CRYM: variants seen among roughly 807,000 people sequenced by gnomAD.
CRYM encodes the protein ketimine reductase mu-crystallin.
Under a neutral mutation model 32.9 loss-of-function variants are expected in CRYM, and 18 were observed. That is an observed-to-expected ratio of 0.55 (90% CI 0.38 to 0.81). The LOEUF (loss-of-function observed/expected upper bound fraction) is 0.81. Among genes scored for constraint, CRYM ranks in the 30% least tolerant of loss-of-function variants. The pLI is 0.00. For missense variants in CRYM, 337 were observed against 393.5 expected, an observed-to-expected ratio of 0.86 and a Z score of 1.21; for synonymous variants, 153 against 152.4, an observed-to-expected ratio of 1.00 and a Z score of -0.03.
intron 5 of CRYM, among the ~76,000 whole-genome samples, chr16:21,263,628 C>T (rs1442144310): frequency 6.6e-6 from 1 of 152,206 alleles, no homozygotes; most frequent in African/African-American, 2.4e-5. Context: ...AAACTGGCTC[C>T]GTCCTGGCCC....
chr16:21,261,875 A>C (rs2093355153), intron 6 of CRYM, 162 bp downstream of exon 6: 1 of 756,422 alleles, frequency 1.3e-6, no homozygotes. Context: ...TCTGGAATGG[A>C]ATTAAAGAGG....
At chr16:21,260,589 C>T (rs990721847) in intron 7 of CRYM, among the ~76,000 whole-genome samples, 3 of 152,156 alleles carry the variant, frequency 2.0e-5, no homozygotes. Context: ...CGTGAGCCAC[C>T]GAGCTCAGCC....
intron 1 of CRYM, among the ~76,000 whole-genome samples, chr16:21,285,578 C>A (rs1465305832): frequency 1.3e-5 from 2 of 152,248 alleles, no homozygotes; most frequent in Non-Finnish European, 2.9e-5. Context: ...TTCCTCCAAG[C>A]AGTCTGGTCA....
At chr16:21,297,201 C>T (rs1490396773) in intron 1 of CRYM, among the ~76,000 whole-genome samples, 3 of 150,804 alleles carry the variant, frequency 2.0e-5, no homozygotes, top group Non-Finnish European at 3.0e-5. Context: ...GAGACCAGCC[C>T]GGTCAACATG....
chr16:21,269,299 A>G (rs1487439886), intron 4 of CRYM, among the ~76,000 whole-genome samples: 2 of 152,100 alleles, frequency 1.3e-5, no homozygotes, highest in Non-Finnish European at 2.9e-5. Flanking sequence ...TAAAATAACA[A>G]TAGCATCAAA....
intron 1 of CRYM, among the ~76,000 whole-genome samples, chr16:21,294,084 C>T (rs1960731645): frequency 6.6e-6 from 1 of 152,218 alleles, no homozygotes; most frequent in Non-Finnish European, 1.5e-5. Flanking sequence ...TTAGCAGAAA[C>T]TGTCTGAACC....
chr16:21,277,955 A>T lies in CRYM; in HGVS notation c.170+127T>A. Reference sequence around the variant, plus strand: ...CTTAGCACACCGGGTAGCGCCTATTAAAAGTGGCAGCTGTTAGCAACGGTT... The same window carrying T: ...CTTAGCACACCGGGTAGCGCCTATTTAAAGTGGCAGCTGTTAGCAACGGTT... On this transcript the variant is annotated intron_variant, in intron 1 of 7. Coordinates refer to ENST00000572914, the MANE Select transcript of CRYM (RefSeq NM_001376256.1). This position sits in a 1 kb window ranked among gnomAD's most constrained non-coding sequence, Gnocchi z 4.2. The T allele has an allele frequency of 8.9e-7, 1 of 1,122,046 alleles. No individual in the cohort carries two copies. The highest frequency in any genetic ancestry group is 1.3e-6 in the Non-Finnish European group (1 of 798,514). 69.5% of individuals were successfully genotyped at this position (1,122,046 alleles called of 1,614,324 possible). A position where few individuals can be genotyped will look rare whatever the true frequency, so the allele number is the denominator to read the frequency against.
intron 1 of CRYM, among the ~76,000 whole-genome samples, chr16:21,291,894 G>A (rs1277586491): frequency 6.6e-6 from 1 of 151,848 alleles, no homozygotes; most frequent in Admixed American, 6.6e-5. Context: ...CATCTTTTAA[G>A]AACCAAACGT....
At chr16:21,264,526 G>C (rs1357139346) in intron 5 of CRYM, among the ~76,000 whole-genome samples, 5 of 152,198 alleles carry the variant, frequency 3.3e-5, no homozygotes, top group African/African-American at 1.2e-4. Context: ...GCATGGGGCA[G>C]GGTGGAACTG....
intron 1 of CRYM, among the ~76,000 whole-genome samples, chr16:21,289,660 C>T (rs550007901): frequency 5.9e-5 from 9 of 152,224 alleles, no homozygotes; most frequent in Non-Finnish European, 1.2e-4. Flanking sequence ...TTACCCTCTA[C>T]CTCCTCACTC....
At chr16:21,286,516 C>T (rs570274445) in intron 1 of CRYM, among the ~76,000 whole-genome samples, 39 of 151,980 alleles carry the variant, frequency 2.6e-4, no homozygotes, top group Non-Finnish European at 4.9e-4. Context: ...CATGAGCCAC[C>T]GCACCCAGCC....
At chr16:21,298,210 G>A (rs1597633458) in intron 1 of CRYM, among the ~76,000 whole-genome samples, 1 of 152,192 alleles carries the variant, frequency 6.6e-6, no homozygotes, top group Non-Finnish European at 1.5e-5. Context: ...ATATTCACCA[G>A]TTCTGTGTAC....
intron 2 of CRYM, among the ~76,000 whole-genome samples, chr16:21,276,108 A>G (rs1218677685): frequency 6.6e-6 from 1 of 152,240 alleles, no homozygotes; most frequent in Non-Finnish European, 1.5e-5. Flanking sequence ...AGTGAGACCC[A>G]GACAGCCCAG....
At chr16:21,276,757 A>G (rs2093387433) in intron 2 of CRYM, among the ~76,000 whole-genome samples, 3 of 152,228 alleles carry the variant, frequency 2.0e-5, no homozygotes, top group Admixed American at 1.3e-4. Context: ...CCGTGGACTT[A>G]GACTGAGCAG....
At chr16:21,259,459 G>T (rs780508257) in intron 7 of CRYM, among the ~76,000 whole-genome samples, 13 of 152,038 alleles carry the variant, frequency 8.6e-5, no homozygotes, top group Non-Finnish European at 1.3e-4. Flanking sequence ...GGCTTTGTGG[G>T]CCACAGGGTC....
intron 1 of CRYM, among the ~76,000 whole-genome samples, chr16:21,301,926 CG>C (rs1960952695): frequency 1.3e-5 from 2 of 152,210 alleles, no homozygotes; most frequent in African/African-American, 2.4e-5. Context: ...CTTCTTCTGC[CG>C]GCGTCCCCCT....
intron 1 of CRYM, chr16:21,300,772 G>C (rs1488201744): frequency 6.6e-6 from 1 of 152,284 alleles, no homozygotes; most frequent in Non-Finnish European, 1.5e-5. Context: ...GTCGTATCCG[G>C]CATTGCAGGG....
chr16:21,272,025 ATT>A (rs775866723), intron 3 of CRYM, among the ~76,000 whole-genome samples: 36 of 133,712 alleles, frequency 2.7e-4, no homozygotes, highest in Admixed American at 4.5e-4. Flanking sequence ...TACTTGGCTA[ATT>A]TTTTTTTTTT....
At chr16:21,271,854 AT>A (rs200178564) in intron 3 of CRYM, among the ~76,000 whole-genome samples, 2 of 151,262 alleles carry the variant, frequency 1.3e-5, no homozygotes, top group East Asian at 1.9e-4. Context: ...GATAATTGAT[AT>A]TTTTAAAATT....
Sources: allele counts gnomAD v4.1 joint callset (sites outside exome capture counted in the v4.1 genomes callset), GRCh38; gene constraint gnomAD v4.1.1; non-coding constraint Gnocchi (gnomAD v3.1); transcripts MANE v1.5; gene names NCBI Gene and HGNC (gene_info 2026-07-23, HGNC 2026-07-21).